Variants in HPGDS observed in about 807,000 individuals in gnomAD.
The protein encoded by HPGDS is hematopoietic prostaglandin D synthase.
HPGDS carries 26 observed loss-of-function variants against 23.1 expected under a neutral mutation model. The observed-to-expected ratio is 1.13, with a 90% CI of 0.83 to 1.56. The LOEUF is 1.56. HPGDS is among the 40% of genes most tolerant of loss of function. The pLI, the probability that HPGDS is intolerant of heterozygous loss-of-function variation, is 0.00. For missense variants in HPGDS, 268 were observed against 236.4 expected, an observed-to-expected ratio of 1.13 and a Z score of -0.88; for synonymous variants, 95 against 77.9, an observed-to-expected ratio of 1.22 and a Z score of -1.16.
At chr4:94,316,578 C>G (rs745480061) in intron 3 of HPGDS, among the ~76,000 whole-genome samples, 1 of 149,578 alleles carries the variant, frequency 6.7e-6, no homozygotes, top group Non-Finnish European at 1.5e-5. Flanking sequence ...ATTCTAGATC[C>G]TTCTAGATCT....
At chr4:94,340,301 CTTTCTT>C (rs1721118489) in intron 1 of HPGDS, among the ~76,000 whole-genome samples, 1 of 32,172 alleles carries the variant, frequency 3.1e-5, no homozygotes, top group African/African-American at 1.1e-4. Flanking sequence ...TTCTTTCTTT[CTTTCTT>C]TCTCTTTTTT....
intron 4 of HPGDS, 67 bp from the exon 5 acceptor site, chr4:94,302,311 G>C: frequency 1.2e-5 from 13 of 1,051,462 alleles, no homozygotes; most frequent in Non-Finnish European, 1.9e-5. Flanking sequence ...TGAGGAGGAA[G>C]TAGATTTCTC....
chr4:94,329,732 T>G (rs751446796), intron 2 of HPGDS, among the ~76,000 whole-genome samples: 1 of 152,228 alleles, frequency 6.6e-6, no homozygotes, highest in Non-Finnish European at 1.5e-5. Context: ...TTGGGATAAC[T>G]GCCCACAACT....
rs1756050492 is a variant in HPGDS, at chr4:94,302,051, C to T, written c.435+95G>A. On this transcript the variant is annotated intron_variant, in intron 5 of 5. Transcript: ENST00000295256. ...TTGTTCTTGCTGTAAATTCTATCCC[C>T]TCCCTATAGGTAACTTTTTTTCAGT... The T allele has an allele frequency of 7.4e-6, 5 of 674,680 alleles. No homozygotes were observed. The South Asian group carries it at 1.3e-4, about 17-fold the overall frequency. 41.8% of individuals were successfully genotyped at this position (674,680 alleles called of 1,614,324 possible). A position where few individuals can be genotyped will look rare whatever the true frequency, so the allele number is the denominator to read the frequency against.
At chr4:94,321,001 A>C (rs1477914088) in intron 2 of HPGDS, among the ~76,000 whole-genome samples, 4 of 152,134 alleles carry the variant, frequency 2.6e-5, no homozygotes, top group Admixed American at 2.0e-4. Context: ...TTTTCCCAGC[A>C]CCATTTATTA....
At chr4:94,305,991 C>A (rs548463223) in intron 4 of HPGDS, among the ~76,000 whole-genome samples, 1 of 152,150 alleles carries the variant, frequency 6.6e-6, no homozygotes, top group South Asian at 2.1e-4. Flanking sequence ...AAGCACTTAT[C>A]TTGAAGTGGG....
intron 4 of HPGDS, among the ~76,000 whole-genome samples, chr4:94,307,883 G>C (rs1033025806): frequency 3.3e-5 from 5 of 152,128 alleles, no homozygotes; most frequent in Non-Finnish European, 7.4e-5. Context: ...ACTAATCACA[G>C]GATAATTAAC....
intron 2 of HPGDS, among the ~76,000 whole-genome samples, chr4:94,318,729 TTG>T (rs1182256516): frequency 2.6e-5 from 4 of 152,154 alleles, no homozygotes; most frequent in Non-Finnish European, 4.4e-5. Context: ...AAAATTTTTT[TTG>T]AGGTGGAGTC....
intron 1 of HPGDS, among the ~76,000 whole-genome samples, chr4:94,340,293 C>CTTTT (rs1560597906): frequency 2.7e-5 from 1 of 36,870 alleles, no homozygotes; most frequent in East Asian, 6.4e-4. Context: ...TTCTTTCTTT[C>CTTTT]TTTCTTTCTT....
At chr4:94,300,005 C>A (rs1756003140) in intron 5 of HPGDS, among the ~76,000 whole-genome samples, 1 of 152,182 alleles carries the variant, frequency 6.6e-6, no homozygotes, top group Non-Finnish European at 1.5e-5. Context: ...TAAAATTGCC[C>A]TTTACAGGAC....
rs561908634 is a variant in HPGDS, at chr4:94,321,371, G to A, written c.134-3406C>T. On this transcript the variant is annotated intron_variant, in intron 2 of 5. Coordinates refer to ENST00000295256, the MANE Select transcript of HPGDS (RefSeq NM_014485.3). ...CCTTGGGCAGTATGGCCATTTTCAC[G>A]ATATTGATTCTTCCTACCCATGAGC... Among the ~76,000 whole-genome samples, 434 of 152,236 alleles carry A rather than the reference G, an allele frequency of 2.9e-3. 4 individuals carry two copies. The highest frequency in any genetic ancestry group is 9.6e-3 in the African/African-American group (397 of 41,540).
intron 3 of HPGDS, among the ~76,000 whole-genome samples, chr4:94,314,549 A>C (rs1273325564): frequency 6.6e-6 from 1 of 151,936 alleles, no homozygotes; most frequent in Non-Finnish European, 1.5e-5. Context: ...GTCTGCCCCT[A>C]CTCGGGGGTG....
chr4:94,304,882 CAGAAAGGT>C (rs1369448704), intron 4 of HPGDS, among the ~76,000 whole-genome samples: 6 of 151,840 alleles, frequency 4.0e-5, no homozygotes, highest in Non-Finnish European at 8.8e-5. Context: ...GCCTCAGCCA[CAGAAAGGT>C]AGAAAATAGA....
chr4:94,315,893 T>A (rs1260211829), intron 3 of HPGDS, among the ~76,000 whole-genome samples: 1 of 152,224 alleles, frequency 6.6e-6, no homozygotes, highest in African/African-American at 2.4e-5. Flanking sequence ...TGACTCCTTA[T>A]TCAATATTTT....
chr4:94,327,408 T>G (rs1756653622), intron 2 of HPGDS, among the ~76,000 whole-genome samples: 1 of 151,984 alleles, frequency 6.6e-6, no homozygotes, highest in Non-Finnish European at 1.5e-5. Context: ...GGCACGTTGA[T>G]CCCCAGACCC....
chr4:94,326,827 G>A (rs370409854), intron 2 of HPGDS, among the ~76,000 whole-genome samples: 19 of 151,974 alleles, frequency 1.3e-4, no homozygotes, highest in South Asian at 2.1e-4. Context: ...TATAGTAGTC[G>A]CTCCTTTCAG....
intron 2 of HPGDS, among the ~76,000 whole-genome samples, chr4:94,329,101 C>A (rs1756689297): frequency 6.6e-6 from 1 of 152,030 alleles, no homozygotes; most frequent in African/African-American, 2.4e-5. Flanking sequence ...AATATGTGAA[C>A]AAGAAGGAAT....
At position 94,302,162 on chromosome 4, in the gene HPGDS, C is replaced by G; in HGVS notation, c.419G>C (p.Trp140Ser). 6.2e-7 allele frequency: 1 copy of G among 1,609,176 alleles called. No individual in the cohort carries two copies. The highest frequency in any genetic ancestry group is 8.5e-7 in the Non-Finnish European group (1 of 1,176,038). The change falls in exon 5 of 6, where the codon TGG becomes TCG. Residue 140 changes from tryptophan to serine, a missense_variant. Physicochemically the swap from Trp to Ser is radical, Grantham distance 177 (BLOSUM62 -3). Coordinates refer to ENST00000295256, the MANE Select transcript of HPGDS (RefSeq NM_014485.3). Reference sequence around the variant, plus strand: ...CATACTCACAGAGTTACCAATAAGCCATTCTCTCCCCCCTAAATATGTGTC... The same window carrying G: ...CATACTCACAGAGTTACCAATAAGCGATTCTCTCCCCCCTAAATATGTGTC... ...DLDTYLGGRE[W>S]LIGNSVTWAD... is the part of the protein sequence containing the mutation.
At chr4:94,316,067 C>T (rs373142058) in intron 3 of HPGDS, among the ~76,000 whole-genome samples, 3 of 152,166 alleles carry the variant, frequency 2.0e-5, no homozygotes, top group African/African-American at 7.2e-5. Flanking sequence ...CGGGCCTCAA[C>T]TGTGACTCAG....
Sources: allele counts gnomAD v4.1 joint callset (sites outside exome capture counted in the v4.1 genomes callset), GRCh38; gene constraint gnomAD v4.1.1; transcripts MANE v1.5; gene names NCBI Gene and HGNC (gene_info 2026-07-23, HGNC 2026-07-21).